DNAH5: variants seen among roughly 807,000 people sequenced by gnomAD.
The protein encoded by DNAH5 is axonemal beta dynein heavy chain 5.
Under a neutral mutation model 518.2 loss-of-function variants are expected in DNAH5, and 372 were observed. That is an observed-to-expected ratio of 0.72 (90% CI 0.66 to 0.78). DNAH5 has a LOEUF of 0.78. Among genes scored for constraint, DNAH5 ranks in the 30% least tolerant of loss-of-function variants. The pLI is 0.00. For missense variants in DNAH5, 5,523 were observed against 5,687.0 expected (o/e 0.97, Z 0.93); for synonymous variants, 2,039 against 2,025.9 (o/e 1.01, Z -0.17).
At chr5:13,740,138 T>C (rs972293772) in intron 65 of DNAH5, among the ~76,000 whole-genome samples, 1 of 152,062 alleles carries the variant, frequency 6.6e-6, no homozygotes, top group Non-Finnish European at 1.5e-5. Context: ...CAACAACAAA[T>C]TCATTGGCAA....
rs35337694 is a variant in DNAH5, at chr5:13,841,918, C to CAAAAAAAA, written c.5272-22_5272-15dup. 46 of 592,616 alleles carry CAAAAAAAA rather than the reference C, an allele frequency of 7.8e-5. No homozygotes were observed. The highest frequency in any genetic ancestry group is 1.7e-4 in the South Asian group (8 of 47,716). The allele number at this position is 592,616 out of a possible 1,614,324, so 36.7% of individuals were successfully genotyped here. A position where few individuals can be genotyped will look rare whatever the true frequency, so the allele number is the denominator to read the frequency against. On this transcript the variant is annotated splice_polypyrimidine_tract_variant and intron_variant, in intron 32 of 78. Transcript: ENST00000265104. Reference sequence around the variant, plus strand: ...TCGATCATAGATCTATGTTAGAAACCAAAAAAAAAAAAAAAAAAAGCTATA... The same window carrying CAAAAAAAA: ...TCGATCATAGATCTATGTTAGAAACCAAAAAAAAAAAAAAAAAAAAAAAAAAAGCTATA...
intron 65 of DNAH5, among the ~76,000 whole-genome samples, chr5:13,740,749 C>T (rs1748390958): frequency 6.6e-6 from 1 of 152,152 alleles, no homozygotes; most frequent in South Asian, 2.1e-4. Flanking sequence ...TCACTCTCTT[C>T]CCTTATTCAA....
chr5:13,814,004 T>C (rs1029051667), intron 43 of DNAH5, among the ~76,000 whole-genome samples: 3 of 152,174 alleles, frequency 2.0e-5, no homozygotes, highest in African/African-American at 7.2e-5. Context: ...AATATTTATA[T>C]AGCAAAATAT....
intron 21 of DNAH5, among the ~76,000 whole-genome samples, chr5:13,877,980 T>C (rs1771119880): frequency 1.3e-5 from 2 of 152,056 alleles, no homozygotes; most frequent in South Asian, 4.2e-4. Flanking sequence ...GCCCCAACAT[T>C]TACAGCTGCC....
chr5:13,695,071 C>T (rs2896110), intron 78 of DNAH5, among the ~76,000 whole-genome samples: 73,830 of 152,104 alleles, frequency 0.49, 18,472 homozygotes, highest in Non-Finnish European at 0.54. Flanking sequence ...TCCGCTTCAT[C>T]TCTGCAATAC....
chr5:13,711,171 G>C (rs1398249837), intron 75 of DNAH5, among the ~76,000 whole-genome samples: 1 of 152,140 alleles, frequency 6.6e-6, no homozygotes, highest in Non-Finnish European at 1.5e-5. Flanking sequence ...AACCCAGCAT[G>C]ATCAAGTGGC....
Position 13,691,629 on chromosome 5 carries a change from C to A in DNAH5, c.*355G>T, listed in dbSNP as rs778207515. 1 of 252,630 alleles carries A rather than the reference C, an allele frequency of 4.0e-6. No individual in the cohort carries two copies. The highest frequency in any genetic ancestry group is 5.0e-5 in the South Asian group (1 of 19,952). The allele number at this position is 252,630 out of a possible 1,614,324, so 15.6% of individuals were successfully genotyped here. On this transcript the variant is annotated 3_prime_UTR_variant, in exon 79 of 79. Coordinates refer to ENST00000265104, the MANE Select transcript of DNAH5 (RefSeq NM_001369.3). ...CAAGAACTTGGCTGTTACCAGGCCA[C>A]GTTAACAGAAGAATAATTCCTCCCA...
intron 76 of DNAH5, among the ~76,000 whole-genome samples, chr5:13,703,188 A>G (rs995515803): frequency 6.6e-6 from 1 of 152,064 alleles, no homozygotes; most frequent in Non-Finnish European, 1.5e-5. Context: ...CTTCCCTCAC[A>G]GCCTTCTCCA....
In DNAH5 at chr5:13,716,552, T is replaced by C. The variant is rs1744303518; in HGVS notation, c.12844A>G (p.Ser4282Gly). The C allele has an allele frequency of 1.9e-6, 3 of 1,613,854 alleles. No homozygotes were observed. The highest frequency in any genetic ancestry group is 1.7e-5 in the Admixed American group (1 of 60,004). Residue 4282 changes from serine to glycine, a missense_variant, in exon 74 of 79, where the codon AGT (serine) becomes GGT (glycine). This residue lies in a region of DNAH5 where 387 missense variants were observed against 430.0 expected (regional missense o/e 0.90). Transcript: ENST00000265104. ...GGAATATTGTATCCTTGGTAAAAAC[T>C]GAAATCTGGTCCAAACATATTTTCA... ...FSENMFGPDF[S>G]FYQGYNIPKC...
rs1772234629 is a variant in DNAH5 at position 13,885,238 on chromosome 5, G to T, written c.2744-10C>A. The stretch of plus-strand genomic sequence containing the variant: ...CCTTCTTCTCTTTTTGCTGTTACAA[G>T]ATGAAAGAGATAGAGATAGAGATAA... On this transcript the variant is annotated splice_polypyrimidine_tract_variant and intron_variant, in intron 18 of 78. Coordinates refer to ENST00000265104, the MANE Select transcript of DNAH5 (RefSeq NM_001369.3). 1.2e-6 allele frequency: 2 copies of T among 1,613,694 alleles called. No homozygotes were observed. Among genetic ancestry groups the T allele is most frequent in the Non-Finnish European group, 1.7e-6 (2 of 1,179,842 alleles).
Position 13,839,412 on chromosome 5 carries a change from G to A in DNAH5, c.5826C>T (p.Tyr1942=). 6.2e-7 allele frequency: 1 copy of A among 1,613,918 alleles called. No individual in the cohort carries two copies. The highest frequency in any genetic ancestry group is 8.5e-7 in the Non-Finnish European group (1 of 1,179,870). ...MIHITDVAFI[Y]QNEFLGCTDR... is the part of the protein sequence containing the mutation. ...CAGTGCAGCCTAAAAATTCATTCTG[G>A]TATATGAACGCCACATCTGTGATGT... The change falls in exon 35 of 79, where the codon TAC becomes TAT. Residue 1942 remains tyrosine (Y), a synonymous_variant. Transcript: ENST00000265104.
chr5:13,958,790 C>T (rs1271175308), intron 1 of DNAH5, among the ~76,000 whole-genome samples: 1 of 152,132 alleles, frequency 6.6e-6, no homozygotes, highest in Non-Finnish European at 1.5e-5. Context: ...ACCTTAAAAT[C>T]TCCCCCAAAT....
At chr5:13,864,759 C>T in intron 27 of DNAH5, 122 bp from the exon 28 acceptor site, 2 of 1,108,066 alleles carry the variant, frequency 1.8e-6, no homozygotes, top group East Asian at 2.4e-5. Context: ...TATTTTAAAT[C>T]CCATGACTTG....
chr5:13,858,576 A>C (rs200184941), intron 30 of DNAH5, among the ~76,000 whole-genome samples: 9,371 of 152,246 alleles, frequency 0.062, 305 homozygotes, highest in African/African-American at 0.078. Context: ...TTTAAAAAAA[A>C]AATCCAAACC....
chr5:13,939,879 A>G (rs1779299549), intron 1 of DNAH5, among the ~76,000 whole-genome samples: 1 of 152,186 alleles, frequency 6.6e-6, no homozygotes, highest in African/African-American at 2.4e-5. Context: ...CACTCACAGC[A>G]GGTGCTTTAG....
chr5:13,845,062 C>A (rs897300864), intron 31 of DNAH5, 69 bp from the exon 32 acceptor site: 6 of 1,473,874 alleles, frequency 4.1e-6, no homozygotes, highest in African/African-American at 2.8e-5. Context: ...ATAAATTAAC[C>A]TGGATGGGAA....
chr5:13,922,885 G>A (rs1777461262), intron 4 of DNAH5, among the ~76,000 whole-genome samples: 1 of 151,878 alleles, frequency 6.6e-6, no homozygotes, highest in Admixed American at 6.6e-5. Context: ...CCTGTCAGAG[G>A]GAAGGGGAAA....
At chr5:13,861,354 C>G (rs981496253) in intron 29 of DNAH5, among the ~76,000 whole-genome samples, 1 of 152,078 alleles carries the variant, frequency 6.6e-6, no homozygotes, top group Admixed American at 6.5e-5. Context: ...AACAAGTAAA[C>G]TGAAATAAGA....
At chr5:13,895,857 C>T (rs1773860233) in intron 15 of DNAH5, among the ~76,000 whole-genome samples, 1 of 152,094 alleles carries the variant, frequency 6.6e-6, no homozygotes, top group African/African-American at 2.4e-5. Context: ...GTGCATCCTC[C>T]AACTCAGCTG....
Sources: gnomAD v4.1 joint callset for allele counts (sites outside exome capture counted in the v4.1 genomes callset) on GRCh38, gnomAD v4.1.1 for gene constraint, gnomAD v4.1.1 regional missense constraint, MANE v1.5 for transcripts, NCBI Gene and HGNC (gene_info 2026-07-23, HGNC 2026-07-21) for gene names.